NOTCH3: variants seen among roughly 807,000 people sequenced by gnomAD.
The protein encoded by NOTCH3 is notch receptor 3.
A neutral mutation model predicts 213.3 loss-of-function variants in NOTCH3; 86 were observed. That is an observed-to-expected ratio of 0.40 (90% confidence interval 0.34 to 0.48). The LOEUF is 0.48. NOTCH3 is among the 20% of genes least tolerant of loss of function. NOTCH3 has a pLI of 0.57. For missense variants in NOTCH3, 2,783 were observed against 3,272.6 expected, an observed-to-expected ratio of 0.85 and a Z score of 3.65; for synonymous variants, 1,354 against 1,355.9, an observed-to-expected ratio of 1.00 and a Z score of 0.03.
In NOTCH3 at chr19:15,160,441, G is replaced by C; in HGVS notation, c.*221C>G. The stretch of plus-strand genomic sequence containing the variant: ...GAAGGAGGTCCCAGACTCTTCACAA[G>C]ACTGAGAGGGTGGGTGGTAGCCCCC... On this transcript the variant is annotated 3_prime_UTR_variant, in exon 33 of 33. Coordinates refer to ENST00000263388, the MANE Select transcript of NOTCH3 (RefSeq NM_000435.3). 1 of 592,086 alleles carries C rather than the reference G, an allele frequency of 1.7e-6. No homozygotes were observed. Among genetic ancestry groups the C allele is most frequent in the Non-Finnish European group, 3.0e-6 (1 of 331,606 alleles). The allele number at this position is 592,086 out of a possible 1,614,324, so 36.7% of individuals were successfully genotyped here.
Position 15,188,256 on chromosome 19 carries a change from A to C in NOTCH3, c.1471T>G (p.Phe491Val). ...GGVCKDRVNGFSCTCPSGFSG... is the reference protein window; with the variant it reads ...GGVCKDRVNGVSCTCPSGFSG... ...TCACCCGAGGGGCAGGTGCAGCTGA[A>C]GCCATTGACTCGGTCCTTGCAGACC... Residue 491 changes from phenylalanine to valine, a missense_variant, in exon 9 of 33, where the codon TTC becomes GTC. This residue lies in a region of NOTCH3 where 708 missense variants were observed against 906.6 expected (regional missense o/e 0.78). Coordinates refer to ENST00000263388, the MANE Select transcript of NOTCH3 (RefSeq NM_000435.3). The C allele has an allele frequency of 6.2e-7, 1 of 1,600,590 alleles. No individual in the cohort carries two copies. Among genetic ancestry groups the C allele is most frequent in the Non-Finnish European group, 8.5e-7 (1 of 1,173,032 alleles).
rs2046767219 is a variant in NOTCH3 at position 15,174,184 on chromosome 19, G to T, written c.4620C>A (p.Arg1540=). 6.2e-7 allele frequency: 1 copy of T among 1,608,576 alleles called. No individual in the cohort carries two copies. The highest frequency in any genetic ancestry group is 8.5e-7 in the Non-Finnish European group (1 of 1,179,452). ...CGTCCAGGCGGAAGCGCAGCGAGGTGCGCAGGATGGCGCTGAGCCGCTGCA... is the reference window on the plus strand; with the variant it reads ...CGTCCAGGCGGAAGCGCAGCGAGGTTCGCAGGATGGCGCTGAGCCGCTGCA... The part of the protein sequence containing the change: ...DFLQRLSAIL[R]TSLRFRLDAH... Residue 1540 remains arginine (R), a synonymous_variant, in exon 25 of 33, where the codon CGC becomes CGA. Coordinates refer to ENST00000263388, the MANE Select transcript of NOTCH3 (RefSeq NM_000435.3).
At position 15,178,074 on chromosome 19, in the gene NOTCH3, C is replaced by T. The variant is rs1193870306; in HGVS notation, c.3854G>A (p.Arg1285His). 1 of 1,512,094 alleles carries T rather than the reference C, an allele frequency of 6.6e-7. No individual in the cohort carries two copies. The highest frequency in any genetic ancestry group is 2.6e-5 in the East Asian group (1 of 38,314). 93.7% of individuals were successfully genotyped at this position (1,512,094 alleles called of 1,614,324 possible). ...GCAGGAGCGCGCCACCCGCTCGCAA[C>T]GCGGACCCCAGAACGGCTGGGGGTC... is the stretch of plus-strand genomic sequence containing the variant. ...CHCAQPFWGP[R>H]CERVARSCRE... Residue 1285 changes from arginine (R) to histidine (H), a missense_variant, in exon 24 of 33, where the codon CGT (arginine) becomes CAT (histidine). Transcript: ENST00000263388.
rs775292982 is a variant in NOTCH3, at chr19:15,178,941, C to A, written c.3719G>T (p.Gly1240Val). 3 of 1,613,996 alleles carry A rather than the reference C, an allele frequency of 1.9e-6. No individual in the cohort carries two copies. Among genetic ancestry groups the A allele is most frequent in the Non-Finnish European group, 2.5e-6 (3 of 1,180,008 alleles). The change falls in exon 23 of 33, where the codon GGT (glycine) becomes GTT (valine). Residue 1240 changes from glycine (G) to valine (V), a missense_variant and splice_region_variant. By Grantham distance (109) the Gly-to-Val change is moderately radical (BLOSUM62 -3). Transcript: ENST00000263388. ...AGACAGGACAGTCTGACAGCGAGGACCTGAGCGAGCGGGAGCATGTAGATC... is the reference window on the plus strand; with the variant it reads ...AGACAGGACAGTCTGACAGCGAGGAACTGAGCGAGCGGGAGCATGTAGATC... The part of the protein sequence containing the change: ...FRCLCHAGFS[G>V]PRCQTVLSPC...
At chr19:15,200,710 C>A in intron 1 of NOTCH3, 78 bp downstream of exon 1, 1 of 1,112,816 alleles carries the variant, frequency 9.0e-7, no homozygotes, top group Non-Finnish European at 1.1e-6. Context: ...CCATGAACCC[C>A]CGCCAGCCCC....
chr19:15,182,237 T>C (rs1220468583), intron 16 of NOTCH3, among the ~76,000 whole-genome samples: 1 of 151,904 alleles, frequency 6.6e-6, no homozygotes, highest in East Asian at 1.9e-4. Context: ...CTGGGCGTGG[T>C]GGCACACACT....
chr19:15,197,734 G>A (rs527560602), intron 1 of NOTCH3, among the ~76,000 whole-genome samples, 156 bp from the exon 2 acceptor site: 3,826 of 40,626 alleles, frequency 0.094, 134 homozygotes, highest in Non-Finnish European at 0.18. Flanking sequence ...CAGTTCCCAC[G>A]CCCCCCCCCC....
intron 2 of NOTCH3, among the ~76,000 whole-genome samples, chr19:15,193,209 C>CT (rs988265443): frequency 1.3e-5 from 2 of 150,850 alleles, no homozygotes; most frequent in East Asian, 2.0e-4. Context: ...TAGGACCTTA[C>CT]TTTTTTTTTA....
At position 15,187,171 on chromosome 19, in the gene NOTCH3, G is replaced by A. The variant is rs764148985; in HGVS notation, c.1774C>T (p.Arg592Cys). ...QVDECRSQPC[R>C]HGGKCLDLVD... The stretch of plus-strand genomic sequence containing the variant: ...AGGTCTAGGCATTTGCCGCCATGGC[G>A]GCAGGGCTGGCTGCGGCATTCGTCC... The change falls in exon 11 of 33, where the codon CGC becomes TGC. Residue 592 changes from arginine (R) to cysteine (C), a missense_variant. Arg to Cys is a radical substitution (Grantham distance 180). Coordinates refer to ENST00000263388, the MANE Select transcript of NOTCH3 (RefSeq NM_000435.3). 5.0e-6 allele frequency: 8 copies of A among 1,614,080 alleles called. No individual in the cohort carries two copies. Among genetic ancestry groups the A allele is most frequent in the Middle Eastern group, 1.6e-4 (1 of 6,062 alleles).
chr19:15,192,361 ACT>A lies in NOTCH3; in HGVS notation c.340+14_340+15del, dbSNP rs780502097. The A allele has an allele frequency of 6.8e-6, 11 of 1,611,874 alleles. No homozygotes were observed. In the East Asian group the frequency reaches 2.0e-4, roughly 29 times the overall value. ...ACACCCCCGACTACCTCCCCTCCAG[ACT>A]CTTCCCCTCTCACCTCGGAAGCCAC... is the stretch of plus-strand genomic sequence containing the variant. On this transcript the variant is annotated intron_variant, in intron 3 of 32. Transcript: ENST00000263388.
intron 15 of NOTCH3, 125 bp from the exon 16 acceptor site, chr19:15,184,575 C>G: frequency 2.2e-6 from 2 of 902,826 alleles, no homozygotes; most frequent in Non-Finnish European, 3.4e-6. Flanking sequence ...TGCTGTCATT[C>G]GTGTCTGGGC....
At chr19:15,172,572 C>T (rs1053012739) in intron 25 of NOTCH3, among the ~76,000 whole-genome samples, 1 of 152,088 alleles carries the variant, frequency 6.6e-6, no homozygotes, top group South Asian at 2.1e-4. Flanking sequence ...AGACCCACCC[C>T]TCTCAGGTCT....
At chr19:15,171,095 C>T (rs531493236) in intron 25 of NOTCH3, among the ~76,000 whole-genome samples, 1 of 152,310 alleles carries the variant, frequency 6.6e-6, no homozygotes, top group Non-Finnish European at 1.5e-5. Context: ...GGTGCGATCT[C>T]GGCTCACTGC....
intron 28 of NOTCH3, among the ~76,000 whole-genome samples, chr19:15,169,860 T>C (rs900951421): frequency 3.3e-5 from 5 of 152,158 alleles, no homozygotes; most frequent in Admixed American, 3.3e-4. Flanking sequence ...ATTTTCCACC[T>C]GCCCGGAGGG....
At chr19:15,182,153 T>A (rs970244248) in intron 16 of NOTCH3, among the ~76,000 whole-genome samples, 2 of 151,882 alleles carry the variant, frequency 1.3e-5, no homozygotes, top group African/African-American at 4.8e-5. Context: ...TGTGACTAAA[T>A]GGAGATGTGC....
At chr19:15,171,163 T>A (rs982665709) in intron 25 of NOTCH3, among the ~76,000 whole-genome samples, 1 of 152,152 alleles carries the variant, frequency 6.6e-6, no homozygotes, top group East Asian at 1.9e-4. Context: ...GTAGCTGGGA[T>A]TACAGGCGTG....
rs1022567572 is a variant in NOTCH3, at chr19:15,161,828, C to A, written c.5914-114G>T. ...AGTTTGTACACTGGAGCTTGACAGA[C>A]CTGGGTTAAATCCCGGCTGTGCTGG... On this transcript the variant is annotated intron_variant, in intron 32 of 32. Transcript: ENST00000263388. The A allele has an allele frequency of 4.5e-6, 4 of 893,948 alleles. No individual in the cohort carries two copies. In the African/African-American group the frequency reaches 5.0e-5, roughly 11 times the overall value. 55.4% of individuals were successfully genotyped at this position (893,948 alleles called of 1,614,324 possible). A position where few individuals can be genotyped will look rare whatever the true frequency, so the allele number is the denominator to read the frequency against.
At chr19:15,163,652 G>C (rs1182384272) in intron 31 of NOTCH3, among the ~76,000 whole-genome samples, 2 of 152,144 alleles carry the variant, frequency 1.3e-5, no homozygotes, top group Non-Finnish European at 2.9e-5. Flanking sequence ...GCAACAAAGT[G>C]AGACCCCATT....
At chr19:15,174,657 T>A (rs917002036) in intron 24 of NOTCH3, among the ~76,000 whole-genome samples, 1 of 151,458 alleles carries the variant, frequency 6.6e-6, no homozygotes, top group African/African-American at 2.4e-5. Flanking sequence ...CACTGCAGCC[T>A]CCACCTCCCC....
Sources: allele counts gnomAD v4.1 joint callset (sites outside exome capture counted in the v4.1 genomes callset), GRCh38; gene constraint gnomAD v4.1.1; regional missense constraint gnomAD v4.1.1; transcripts MANE v1.5; gene names NCBI Gene and HGNC (gene_info 2026-07-23, HGNC 2026-07-21).